Variants in LARGE1 observed in about 807,000 individuals in gnomAD.
The protein encoded by LARGE1 is xylosyl- and glucuronyltransferase LARGE1.
Under a neutral mutation model 87.6 loss-of-function variants are expected in LARGE1, and 43 were observed. The ratio of observed to expected loss-of-function variants is 0.49; its 90% CI spans 0.38 to 0.63. The LOEUF (loss-of-function observed/expected upper bound fraction) is 0.63. LARGE1 is among the 30% of genes least tolerant of loss of function. The pLI is 0.00. For synonymous variants in LARGE1, 434 were observed against 394.6 expected (o/e 1.10, Z -1.18); for missense variants, 802 against 1,000.2 (o/e 0.80, Z 2.67).
chr22:33,330,999 G>A (rs1937626135), intron 10 of LARGE1, among the ~76,000 whole-genome samples: 1 of 152,152 alleles, frequency 6.6e-6, no homozygotes. Context: ...AGACTCTACA[G>A]GTTCCCTTCT....
At chr22:33,475,811 T>A (rs1440738261) in intron 6 of LARGE1, among the ~76,000 whole-genome samples, 1 of 152,180 alleles carries the variant, frequency 6.6e-6, no homozygotes, top group African/African-American at 2.4e-5. Flanking sequence ...ATTAGCATAC[T>A]GTACAATCAG....
At position 33,248,660 on chromosome 22, in the gene LARGE1, C is replaced by CT. The variant is rs545371309; in HGVS notation, c.1730+55568_1730+55569insA. 7.9e-5 allele frequency among the ~76,000 whole-genome samples: 12 copies of CT among 152,282 alleles called. No homozygotes were observed. The South Asian group carries it at 2.5e-3, about 32-fold the overall frequency. On this transcript the variant is annotated intron_variant, in intron 11 of 11. Coordinates refer to the LARGE1 transcript ENST00000608642. ...AAAATGTATAATGACATGTATCCAC[C>CT]ATTATAGTATCATACAGAGTATTTC... is the stretch of plus-strand genomic sequence containing the variant.
chr22:33,098,460 A>T, the LARGE1 span, among the ~76,000 whole-genome samples: 1 of 152,092 alleles, frequency 6.6e-6, no homozygotes, highest in Admixed American at 6.6e-5. Context: ...TCTACTAAAA[A>T]TACAAAAAAA....
rs562097435 is a variant in LARGE1, at chr22:33,514,770, G to A, written c.787+50078C>T. On this transcript the variant is annotated intron_variant, in intron 6 of 14. Transcript: ENST00000397394. Reference sequence around the variant, plus strand: ...CTACACGTGGAGGAGAGACAATCACGAGTTTCAGTCCTATTAAAGTGAGTC... The same window carrying A: ...CTACACGTGGAGGAGAGACAATCACAAGTTTCAGTCCTATTAAAGTGAGTC... Among the ~76,000 whole-genome samples, 235 of 152,130 alleles carry A rather than the reference G, an allele frequency of 1.5e-3. 4 individuals carry two copies. The highest frequency in any genetic ancestry group is 2.3e-3 in the South Asian group (11 of 4,812).
intron 6 of LARGE1, among the ~76,000 whole-genome samples, chr22:33,560,085 T>A (rs1158109683): frequency 6.6e-6 from 1 of 152,152 alleles, no homozygotes; most frequent in Non-Finnish European, 1.5e-5. Flanking sequence ...GGATTCAAAG[T>A]TAGACTGTTT....
chr22:33,899,222 C>T (rs2065222789), intron 1 of LARGE1, among the ~76,000 whole-genome samples: 1 of 152,168 alleles, frequency 6.6e-6, no homozygotes, highest in Non-Finnish European at 1.5e-5. Flanking sequence ...GAGGCACTGA[C>T]ATCAAACCCG....
At chr22:33,787,665 T>C (rs1490822113) in intron 1 of LARGE1, among the ~76,000 whole-genome samples, 1 of 152,192 alleles carries the variant, frequency 6.6e-6, no homozygotes, top group Admixed American at 6.5e-5. Context: ...AAAATCTTCA[T>C]CTCTCAGTTC....
At chr22:33,534,763 C>T (rs2076995039) in intron 6 of LARGE1, among the ~76,000 whole-genome samples, 1 of 152,160 alleles carries the variant, frequency 6.6e-6, no homozygotes, top group Admixed American at 6.5e-5. Flanking sequence ...GGTGAGGTTG[C>T]AATGCTGGGC....
intron 7 of LARGE1, among the ~76,000 whole-genome samples, chr22:33,390,744 C>T (rs1183244281): frequency 6.7e-6 from 1 of 149,472 alleles, no homozygotes; most frequent in Non-Finnish European, 1.5e-5. Context: ...GGCTGGAGTG[C>T]AGTGAGTGGC....
chr22:33,590,416 G>GA (rs899244558), intron 5 of LARGE1, among the ~76,000 whole-genome samples: 3 of 152,004 alleles, frequency 2.0e-5, no homozygotes, highest in African/African-American at 7.2e-5. Flanking sequence ...CATTCTTCGA[G>GA]AAAAAAATCT....
intron 9 of LARGE1, among the ~76,000 whole-genome samples, chr22:33,377,780 G>T (rs2065034721): frequency 6.6e-6 from 1 of 151,850 alleles, no homozygotes; most frequent in South Asian, 2.1e-4. Flanking sequence ...TTGCATCTTG[G>T]GTAATTTCTT....
intron 11 of LARGE1, among the ~76,000 whole-genome samples, chr22:33,250,130 C>G (rs1215727172): frequency 6.6e-6 from 1 of 152,142 alleles, no homozygotes; most frequent in African/African-American, 2.4e-5. Flanking sequence ...TTAGGAAGGT[C>G]TGATATCTTG....
At chr22:33,865,821 T>C (rs1235725357) in intron 1 of LARGE1, among the ~76,000 whole-genome samples, 1 of 145,980 alleles carries the variant, frequency 6.9e-6, no homozygotes, top group African/African-American at 2.5e-5. Flanking sequence ...CATTCAATGT[T>C]AGCTGTTATT....
chr22:33,743,263 C>G (rs2083955938), intron 2 of LARGE1: 1 of 152,174 alleles, frequency 6.6e-6, no homozygotes, highest in Non-Finnish European at 1.5e-5. Context: ...TGTAGCAACG[C>G]AAGAATGGCT....
At chr22:33,549,737 G>C (rs2077468845) in intron 6 of LARGE1, among the ~76,000 whole-genome samples, 1 of 152,180 alleles carries the variant, frequency 6.6e-6, no homozygotes, top group African/African-American at 2.4e-5. Flanking sequence ...ATGGATCGTG[G>C]ACTATGAGTT....
At chr22:33,391,529 G>A (rs923162932) in intron 7 of LARGE1, among the ~76,000 whole-genome samples, 1 of 152,080 alleles carries the variant, frequency 6.6e-6, no homozygotes, top group Non-Finnish European at 1.5e-5. Flanking sequence ...GGTCAAACCA[G>A]ACAGGCTTCT....
At chr22:33,385,016 C>CT (rs1392179094) in intron 7 of LARGE1, among the ~76,000 whole-genome samples, 2 of 148,746 alleles carry the variant, frequency 1.3e-5, no homozygotes, top group Non-Finnish European at 3.0e-5. Flanking sequence ...CCATATGGGC[C>CT]TGTCTCAGTC....
rs554470859 is a variant in LARGE1 at position 33,899,533 on chromosome 22, C to A, written c.-83+20462G>T. Among the ~76,000 whole-genome samples the A allele has an allele frequency of 3.2e-3, 480 of 152,234 alleles. 2 individuals are homozygous for A. The highest frequency in any genetic ancestry group is 0.011 in the African/African-American group (452 of 41,528). Reference sequence around the variant, plus strand: ...ATAGCTTTGCCTGGAAGCATGACAGCCAAGGGCCAACCTAATCTGCTCACA... The same window carrying A: ...ATAGCTTTGCCTGGAAGCATGACAGACAAGGGCCAACCTAATCTGCTCACA... On this transcript the variant is annotated intron_variant, in intron 1 of 14. Coordinates refer to ENST00000397394, the MANE Select transcript of LARGE1 (RefSeq NM_133642.5).
At chr22:33,276,784 A>G (rs1929389953) in intron 14 of LARGE1, among the ~76,000 whole-genome samples, 1 of 152,222 alleles carries the variant, frequency 6.6e-6, no homozygotes. Flanking sequence ...GCTTGTCTTC[A>G]TCATCAGGTT....
Sources: gnomAD v4.1 joint callset for allele counts (sites outside exome capture counted in the v4.1 genomes callset) on GRCh38, gnomAD v4.1.1 for gene constraint, MANE v1.5 for transcripts, NCBI Gene and HGNC (gene_info 2026-07-23, HGNC 2026-07-21) for gene names.